The following CACNA1S variants were observed in gnomAD, a reference collection of about 807,000 sequenced individuals.
The protein encoded by CACNA1S is voltage-dependent L-type calcium channel subunit alpha-1S.
CACNA1S carries 126 observed loss-of-function variants against 207.4 expected under a neutral mutation model. The observed-to-expected ratio is 0.61, with a 90% CI of 0.53 to 0.70. The LOEUF is 0.70. CACNA1S is among the 30% of genes least tolerant of loss of function. CACNA1S has a pLI of 0.00. For missense variants in CACNA1S, 2,349 were observed against 2,422.8 expected (o/e 0.97, Z 0.64); for synonymous variants, 960 against 932.7 (o/e 1.03, Z -0.53).
At position 201,092,425 on chromosome 1, in the gene CACNA1S, G is replaced by C. The variant is rs1432107900; in HGVS notation, c.399-311C>G. 2.0e-5 allele frequency among the ~76,000 whole-genome samples: 3 copies of C among 152,134 alleles called. No individual in the cohort carries two copies. The East Asian group carries it at 5.8e-4, about 29-fold the overall frequency. On this transcript the variant is annotated intron_variant, in intron 3 of 43. Transcript: ENST00000362061. ...GGACAGTCCCTGGCCCTGGGGCTGA[G>C]TACCCCCAACACGGGCTGGAGGTTA... is the stretch of plus-strand genomic sequence containing the variant.
chr1:201,073,542 T>G lies in CACNA1S; in HGVS notation c.2157+7A>C. The G allele has an allele frequency of 6.2e-7, 1 of 1,609,132 alleles. No homozygotes were observed. Among genetic ancestry groups the G allele is most frequent in the Non-Finnish European group, 8.5e-7 (1 of 1,175,408 alleles). ...CTGCCTCTAACATCCCCACCTGAGG[T>G]GCTCACCTTGGCAGTGGTGGGGATG... On this transcript the variant is annotated splice_region_variant and intron_variant, in intron 15 of 43. Transcript: ENST00000362061.
chr1:201,109,534 C>T (rs939281664), intron 2 of CACNA1S, among the ~76,000 whole-genome samples: 1 of 152,152 alleles, frequency 6.6e-6, no homozygotes, highest in Admixed American at 6.5e-5. Flanking sequence ...GTCCCTGAAC[C>T]TCTCTAGGTC....
intron 38 of CACNA1S, among the ~76,000 whole-genome samples, chr1:201,046,367 G>C (rs920311726): frequency 6.6e-6 from 1 of 152,022 alleles, no homozygotes; most frequent in Non-Finnish European, 1.5e-5. Context: ...TTTTAGTAGA[G>C]ATGGGGTTCT....
intron 14 of CACNA1S, 36 bp downstream of exon 14, chr1:201,074,470 G>C: frequency 7.4e-7 from 1 of 1,344,346 alleles, no homozygotes; most frequent in Non-Finnish European, 1.1e-6. Flanking sequence ...CCACGACTGA[G>C]CACTCCAGGT....
Position 201,066,175 on chromosome 1 carries a change from C to T in CACNA1S, c.2745+54G>A, listed in dbSNP as rs542685423. The T allele has an allele frequency of 5.6e-5, 85 of 1,520,294 alleles. No individual in the cohort carries two copies. Among genetic ancestry groups the T allele is most frequent in the South Asian group, 4.9e-4 (44 of 89,196 alleles). 94.2% of individuals were successfully genotyped at this position (1,520,294 alleles called of 1,614,324 possible). A position where few individuals can be genotyped will look rare whatever the true frequency, so the allele number is the denominator to read the frequency against. ...GGCTGAGGTTTCTGGAGCGAGGAGG[C>T]CCCTGTAACCCCTCCCATTCCTCTC... On this transcript the variant is annotated intron_variant, in intron 21 of 43. Transcript: ENST00000362061. This position sits in a 1 kb window ranked among gnomAD's most constrained non-coding sequence, Gnocchi z 4.3.
chr1:201,100,785 C>T (rs1185830480), intron 2 of CACNA1S, among the ~76,000 whole-genome samples: 1 of 151,934 alleles, frequency 6.6e-6, no homozygotes, highest in Non-Finnish European at 1.5e-5. Context: ...TAGTAAGCAC[C>T]CGCTTATGAG....
chr1:201,078,659 A>G (rs1661721869), intron 10 of CACNA1S, among the ~76,000 whole-genome samples: 1 of 151,972 alleles, frequency 6.6e-6, no homozygotes, highest in Admixed American at 6.6e-5. Context: ...TCTCATTCCT[A>G]TACACCTCCC....
Position 201,078,004 on chromosome 1 carries a change from G to A in CACNA1S, c.1494C>T (p.Arg498=), listed in dbSNP as rs760900930. The A allele has an allele frequency of 1.9e-6, 3 of 1,614,184 alleles. No individual in the cohort carries two copies. In the East Asian group the frequency reaches 6.7e-5, roughly 36 times the overall value. The change falls in exon 11 of 44, where the codon CGC becomes CGT. Residue 498 remains arginine (R), a synonymous_variant. Coordinates refer to ENST00000362061, the MANE Select transcript of CACNA1S (RefSeq NM_000069.3). The part of the protein sequence containing the change: ...LRQYFMSIFN[R]FDCFVVCSGI... ...CGCTACACACCACGAAGCAGTCGAA[G>A]CGGTTGAAGATAGACATGAAGTACT...
Position 201,085,076 on chromosome 1 carries a change from T to C in CACNA1S, c.1151-45A>G, listed in dbSNP as rs747927822. The C allele has an allele frequency of 5.0e-5, 69 of 1,380,870 alleles. No homozygotes were observed. In the South Asian group the frequency reaches 7.3e-4, roughly 15 times the overall value. 85.5% of individuals were successfully genotyped at this position (1,380,870 alleles called of 1,614,324 possible). A position where few individuals can be genotyped will look rare whatever the true frequency, so the allele number is the denominator to read the frequency against. The stretch of plus-strand genomic sequence containing the variant: ...AGTCAGCCAGCCTTCGGGGCCCCTC[T>C]GGGCTGGACACACCTGGACTGGGCA... On this transcript the variant is annotated intron_variant, in intron 8 of 43. Transcript: ENST00000362061.
chr1:201,046,950 A>T (rs370182175), intron 38 of CACNA1S, among the ~76,000 whole-genome samples, 165 bp downstream of exon 38: 1 of 152,148 alleles, frequency 6.6e-6, no homozygotes, highest in African/African-American at 2.4e-5. Flanking sequence ...AACATCTTCA[A>T]TCATGGACTA....
In CACNA1S at chr1:201,066,787, G is replaced by A. The variant is rs1661258366; in HGVS notation, c.2657+100C>T. 5.3e-5 allele frequency: 46 copies of A among 867,926 alleles called. No homozygotes were observed. In the South Asian group the frequency reaches 6.5e-4, roughly 12 times the overall value. The allele number at this position is 867,926 out of a possible 1,614,324, so 53.8% of individuals were successfully genotyped here. A position where few individuals can be genotyped will look rare whatever the true frequency, so the allele number is the denominator to read the frequency against. ...GGAGGCCCCGAGAGACCCTCCTCTT[G>A]TGGCAGGGGCCCACCAACATGGGTG... On this transcript the variant is annotated intron_variant, in intron 20 of 43. Coordinates refer to ENST00000362061, the MANE Select transcript of CACNA1S (RefSeq NM_000069.3). The surrounding 1 kb of genome is among the most constrained non-coding windows in gnomAD (Gnocchi z 4.3).
At chr1:201,062,586 G>A in intron 22 of CACNA1S, 72 bp from the exon 23 acceptor site, 1 of 1,384,672 alleles carries the variant, frequency 7.2e-7, no homozygotes, top group Non-Finnish European at 1.0e-6. Flanking sequence ...GTGGGCTCTG[G>A]GAGTGAACAG....
intron 2 of CACNA1S, among the ~76,000 whole-genome samples, chr1:201,102,373 C>T (rs773895027): frequency 2.0e-5 from 3 of 152,132 alleles, no homozygotes; most frequent in Non-Finnish European, 4.4e-5. Context: ...GGGTACAGGC[C>T]GGAAACAACG....
At chr1:201,049,672 C>T (rs538169704) in intron 34 of CACNA1S, among the ~76,000 whole-genome samples, 35 of 152,030 alleles carry the variant, frequency 2.3e-4, no homozygotes, top group Admixed American at 2.0e-3. Context: ...GGGCAGGCTG[C>T]GAAAAAGAGA....
rs763637720 is a variant in CACNA1S, at chr1:201,089,394, G to A, written c.764C>T (p.Thr255Ile). Residue 255 changes from threonine (T) to isoleucine (I), a missense_variant, in exon 6 of 44, where the codon ACC becomes ATC. By Grantham distance (89) the Thr-to-Ile change is moderately conservative. Transcript: ENST00000362061. The part of the protein sequence containing the change: ...CARTGSGRRC[T>I]INGSECRGGW... ...GCCCCGGCACTCACTGCCATTGATG[G>A]TGCACCGGCGCCCTGAGCCCGTCCT... is the stretch of plus-strand genomic sequence containing the variant. The A allele has an allele frequency of 6.2e-6, 10 of 1,614,114 alleles. No individual in the cohort carries two copies. Among genetic ancestry groups the A allele is most frequent in the Non-Finnish European group, 7.6e-6 (9 of 1,180,056 alleles).
rs1181414874 is a variant in CACNA1S, at chr1:201,051,131, A to G, written c.3966T>C (p.Gly1322=). 1 of 1,614,190 alleles carries G rather than the reference A, an allele frequency of 6.2e-7. No homozygotes were observed. The highest frequency in any genetic ancestry group is 2.2e-5 in the East Asian group (1 of 44,894). The part of the protein sequence containing the change: ...AVLLLFRCAT[G]EAWQEILLAC... ...CCAGTAGGATCTCCTGCCAGGCCTC[A>G]CCTGTTGCACACCTAGAGGACAGAA... Residue 1322 remains glycine, a synonymous_variant, in exon 33 of 44, where the codon GGT becomes GGC. Coordinates refer to ENST00000362061, the MANE Select transcript of CACNA1S (RefSeq NM_000069.3).
rs763936268 is a variant in CACNA1S at position 201,052,553 on chromosome 1, G to A, written c.3953+4C>T. On this transcript the variant is annotated splice_donor_region_variant and intron_variant, in intron 32 of 43. Coordinates refer to ENST00000362061, the MANE Select transcript of CACNA1S (RefSeq NM_000069.3). The stretch of plus-strand genomic sequence containing the variant: ...TAGGGGTGGGGGTGGCGGGAGACGC[G>A]TGCCTGAAGAGCAGTAGCACAGCTT... The A allele has an allele frequency of 1.5e-5, 24 of 1,610,836 alleles. No homozygotes were observed. The highest frequency in any genetic ancestry group is 1.1e-4 in the East Asian group (5 of 44,862).
intron 43 of CACNA1S, 55 bp downstream of exon 43, chr1:201,040,176 C>A (rs769060241): frequency 6.4e-5 from 103 of 1,612,046 alleles, no homozygotes; most frequent in Non-Finnish European, 8.3e-5. Flanking sequence ...CACGCCAGGC[C>A]ATCACAGGGC....
chr1:201,056,393 C>T lies in CACNA1S; in HGVS notation c.3610-1832G>A, dbSNP rs183898435. Among the ~76,000 whole-genome samples the T allele has an allele frequency of 6.6e-5, 10 of 152,244 alleles. No homozygotes were observed. In the South Asian group the frequency reaches 1.0e-3, roughly 16 times the overall value. On this transcript the variant is annotated intron_variant, in intron 28 of 43. Transcript: ENST00000362061. ...GCATCCCCAGTGCTGATCCTTCCAC[C>T]CCTATACCCAACTCACCCTAAGGTT...
Sources: gnomAD v4.1 joint callset for allele counts (sites outside exome capture counted in the v4.1 genomes callset) on GRCh38, gnomAD v4.1.1 for gene constraint, Gnocchi (gnomAD v3.1) non-coding constraint, MANE v1.5 for transcripts, NCBI Gene and HGNC (gene_info 2026-07-23, HGNC 2026-07-21) for gene names.